SLCO5A1: variants seen among roughly 807,000 people sequenced by gnomAD.
The protein encoded by SLCO5A1 is organic anion transporter polypeptide-related protein 4.
Under a neutral mutation model 65.1 loss-of-function variants are expected in SLCO5A1, and 39 were observed. That is an observed-to-expected ratio of 0.60 (90% CI 0.46 to 0.78). The LOEUF (loss-of-function observed/expected upper bound fraction) is 0.78, where lower values mean the gene tolerates loss of function less well. SLCO5A1 is among the 30% of genes least tolerant of loss of function. The probability of loss-of-function intolerance (pLI) is 0.00; values close to 1 mark genes in which losing one functional copy is unlikely to be tolerated. For missense variants in SLCO5A1, 1,029 were observed against 1,069.4 expected (o/e 0.96, Z 0.53); for synonymous variants, 438 against 415.7 (o/e 1.05, Z -0.65).
chr8:69,727,136 G>A lies in SLCO5A1; in HGVS notation c.1423+10904C>T, dbSNP rs141576896. ...GAGGCCTTGAAGGTGGGACCCCTCC[G>A]TGTTCTCATATGGCTTCCCTGTGCA... On this transcript the variant is annotated intron_variant, in intron 5 of 9. Transcript: ENST00000260126. Among the ~76,000 whole-genome samples, 850 of 152,216 alleles carry A rather than the reference G, an allele frequency of 5.6e-3. 7 individuals carry two copies. Among genetic ancestry groups the A allele is most frequent in the African/African-American group, 0.02 (813 of 41,540 alleles).
Position 69,830,268 on chromosome 8 carries a change from C to A in SLCO5A1, c.907+1499G>T, listed in dbSNP as rs374352683. ...CTCTTATATTGGATATCATTTACAC[C>A]GTCCTTTGAAAATCTTACTATTCCC... On this transcript the variant is annotated intron_variant, in intron 2 of 9. Coordinates refer to ENST00000260126, the MANE Select transcript of SLCO5A1 (RefSeq NM_030958.3). 5.9e-5 allele frequency among the ~76,000 whole-genome samples: 9 copies of A among 152,228 alleles called. No individual in the cohort carries two copies. In the South Asian group the frequency reaches 1.9e-3, roughly 32 times the overall value.
At chr8:69,813,773 A>G (rs1172649459) in intron 2 of SLCO5A1, among the ~76,000 whole-genome samples, 1 of 152,208 alleles carries the variant, frequency 6.6e-6, no homozygotes, top group Non-Finnish European at 1.5e-5. Context: ...AACACTTAAG[A>G]GGCGACAGGA....
Position 69,772,563 on chromosome 8 carries a change from AGAAAGGAAAGGAAAG to A in SLCO5A1, c.908-10703_908-10689del, listed in dbSNP as rs1189559614. 2.9e-3 allele frequency among the ~76,000 whole-genome samples: 104 copies of A among 35,334 alleles called. 1 individual carries two copies. Among genetic ancestry groups the A allele is most frequent in the East Asian group, 9.0e-3 (10 of 1,110 alleles). 23.2% of individuals were successfully genotyped at this position (35,334 alleles called of 152,430 possible). On this transcript the variant is annotated intron_variant, in intron 2 of 9. Coordinates refer to ENST00000260126, the MANE Select transcript of SLCO5A1 (RefSeq NM_030958.3). ...AAAAGGAGGGAAGGAGGGAGGGAGG[AGAAAGGAAAGGAAAG>A]GAAAGGAAAGGAAAGGAAAGGAAAG...
At chr8:69,703,718 G>A (rs1016913218) in intron 6 of SLCO5A1, among the ~76,000 whole-genome samples, 5 of 152,108 alleles carry the variant, frequency 3.3e-5, no homozygotes, top group Non-Finnish European at 5.9e-5. Flanking sequence ...CAGCCACCCT[G>A]GATGACAAGA....
chr8:69,763,683 G>C (rs146185562), intron 2 of SLCO5A1, among the ~76,000 whole-genome samples: 100 of 118,050 alleles, frequency 8.5e-4, no homozygotes, highest in African/African-American at 3.0e-3. Flanking sequence ...AAATTCATTA[G>C]CATTCCTTTA....
intron 6 of SLCO5A1, among the ~76,000 whole-genome samples, chr8:69,686,414 G>A (rs1473467159): frequency 6.6e-6 from 1 of 152,076 alleles, no homozygotes; most frequent in African/African-American, 2.4e-5. Flanking sequence ...TGGCTATACA[G>A]AGCTATGCAA....
chr8:69,789,036 C>T (rs895334233), intron 2 of SLCO5A1, among the ~76,000 whole-genome samples: 4 of 152,188 alleles, frequency 2.6e-5, no homozygotes, highest in African/African-American at 9.7e-5. Flanking sequence ...TATCCCCAAA[C>T]ATATGTATTT....
chr8:69,795,483 T>A (rs1371137531), intron 2 of SLCO5A1, among the ~76,000 whole-genome samples: 1 of 152,152 alleles, frequency 6.6e-6, no homozygotes, highest in African/African-American at 2.4e-5. Flanking sequence ...CAAAAGAATC[T>A]CCTTTGACTC....
At chr8:69,808,790 C>A (rs1330690078) in intron 2 of SLCO5A1, among the ~76,000 whole-genome samples, 1 of 152,098 alleles carries the variant, frequency 6.6e-6, no homozygotes, top group Non-Finnish European at 1.5e-5. Flanking sequence ...AAGCTACATA[C>A]CAAGTCTAAA....
intron 6 of SLCO5A1, among the ~76,000 whole-genome samples, chr8:69,697,282 C>T (rs147857948): frequency 0.054 from 8,179 of 152,150 alleles, 272 homozygotes; most frequent in East Asian, 0.086. Context: ...CCCAGCTACT[C>T]GGGAGGCTGA....
chr8:69,784,865 G>A (rs1217475765), intron 2 of SLCO5A1, among the ~76,000 whole-genome samples: 524 of 42,778 alleles, frequency 0.012, 6 homozygotes, highest in African/African-American at 0.052. Context: ...GAAAGAAAGG[G>A]AAGGAAGGAG....
Position 69,672,797 on chromosome 8 carries a change from GA to G in SLCO5A1, c.*71del. 1 of 1,473,366 alleles carries G rather than the reference GA, an allele frequency of 6.8e-7. No individual in the cohort carries two copies. The highest frequency in any genetic ancestry group is 2.4e-4 in the Middle Eastern group (1 of 4,188). 91.3% of individuals were successfully genotyped at this position (1,473,366 alleles called of 1,614,324 possible). ...GGTTAAAAAAAAGAAAGAAAGAAAA[GA>G]AGGCACAGTTGTTTCTCAAGTCGCC... On this transcript the variant is annotated 3_prime_UTR_variant, in exon 10 of 10. Transcript: ENST00000260126.
In SLCO5A1 at chr8:69,667,275, A is replaced by C. The variant is rs1813209162; in HGVS notation, c.*5594T>G. The C allele has an allele frequency of 6.6e-6, 1 of 151,620 alleles. No homozygotes were observed. Among genetic ancestry groups the C allele is most frequent in the African/African-American group, 2.4e-5 (1 of 41,180 alleles). 9.4% of individuals were successfully genotyped at this position (151,620 alleles called of 1,614,324 possible). ...GTGCAAAACCTTTCATCACAAACATACCTCTACACAAAACACACACACACA... is the reference window on the plus strand; with the variant it reads ...GTGCAAAACCTTTCATCACAAACATCCCTCTACACAAAACACACACACACA... On this transcript the variant is annotated 3_prime_UTR_variant, in exon 10 of 10. Transcript: ENST00000260126.
At chr8:69,765,594 C>G (rs1355288760) in intron 2 of SLCO5A1, among the ~76,000 whole-genome samples, 1 of 152,106 alleles carries the variant, frequency 6.6e-6, no homozygotes, top group Non-Finnish European at 1.5e-5. Flanking sequence ...TTGAAGCAAA[C>G]CCGTACCACT....
intron 6 of SLCO5A1, among the ~76,000 whole-genome samples, chr8:69,697,490 T>A (rs1166970121): frequency 2.0e-5 from 3 of 152,056 alleles, no homozygotes; most frequent in Non-Finnish European, 4.4e-5. Flanking sequence ...AATCATTAAA[T>A]GAGATAATTT....
rs570155107 is a variant in SLCO5A1, at chr8:69,795,044, C to T, written c.908-33169G>A. 2.0e-5 allele frequency among the ~76,000 whole-genome samples: 3 copies of T among 152,292 alleles called. No homozygotes were observed. The South Asian group carries it at 6.2e-4, about 32-fold the overall frequency. ...TGCTAAACCATTCATGAGGGACAACCCCTGTGATCCAATTACTTCCCACCA... is the reference window on the plus strand; with the variant it reads ...TGCTAAACCATTCATGAGGGACAACTCCTGTGATCCAATTACTTCCCACCA... On this transcript the variant is annotated intron_variant, in intron 2 of 9. Coordinates refer to ENST00000260126, the MANE Select transcript of SLCO5A1 (RefSeq NM_030958.3).
rs1821177420 is a variant in SLCO5A1 at position 69,832,049 on chromosome 8, C to T, written c.625G>A (p.Ala209Thr). The change falls in exon 2 of 10, where the codon GCA (alanine) becomes ACA (threonine). Residue 209 changes from alanine (A) to threonine (T), a missense_variant. Ala to Thr is a moderately conservative substitution (Grantham distance 58). Transcript: ENST00000260126. The surrounding 1 kb of genome is among the most constrained non-coding windows in gnomAD (Gnocchi z 4.5). ...AVGGLLIAFG[A>T]ALFALPHFIS... is the part of the protein sequence containing the mutation. ...AAGTGAGGTAAGGCGAAGAGGGCTG[C>T]CCCGAAGGCGATGAGGAGTCCACCC... The T allele has an allele frequency of 6.2e-7, 1 of 1,612,078 alleles. No homozygotes were observed. The highest frequency in any genetic ancestry group is 8.5e-7 in the Non-Finnish European group (1 of 1,179,402).
intron 2 of SLCO5A1, among the ~76,000 whole-genome samples, chr8:69,767,064 G>A (rs1818090814): frequency 6.6e-6 from 1 of 152,188 alleles, no homozygotes; most frequent in African/African-American, 2.4e-5. Context: ...TTTTTTGACT[G>A]TGTCCCAACA....
chr8:69,812,317 C>T (rs1230824526), intron 2 of SLCO5A1, among the ~76,000 whole-genome samples: 3 of 152,168 alleles, frequency 2.0e-5, no homozygotes, highest in African/African-American at 7.2e-5. Flanking sequence ...TAGAAACCAT[C>T]TGAGCAGACA....
Sources: gnomAD v4.1 joint callset for allele counts (sites outside exome capture counted in the v4.1 genomes callset) on GRCh38, gnomAD v4.1.1 for gene constraint, Gnocchi (gnomAD v3.1) non-coding constraint, MANE v1.5 for transcripts, NCBI Gene and HGNC (gene_info 2026-07-23, HGNC 2026-07-21) for gene names.